Variants in MANBA observed in about 807,000 individuals in gnomAD.
MANBA encodes beta-mannosidase.
In MANBA, 83 loss-of-function variants were observed where a neutral mutation model predicts 111.1. The ratio of observed to expected loss-of-function variants is 0.75; its 90% CI spans 0.63 to 0.90. MANBA has a LOEUF of 0.90. Among genes scored for constraint, MANBA ranks in the 40% least tolerant of loss-of-function variants. The pLI, the probability that MANBA is intolerant of heterozygous loss-of-function variation, is 0.00. For synonymous variants in MANBA, 370 were observed against 378.7 expected (o/e 0.98, Z 0.27); for missense variants, 1,036 against 1,069.0 (o/e 0.97, Z 0.43).
intron 13 of MANBA, 128 bp downstream of exon 13, chr4:102,650,409 G>C (rs748340100): frequency 3.2e-5 from 31 of 975,038 alleles, no homozygotes; most frequent in Non-Finnish European, 4.4e-5. Context: ...GTTCTTTGAA[G>C]AAAATAAATT....
intron 11 of MANBA, 132 bp from the exon 12 acceptor site, chr4:102,658,032 A>C: frequency 1.4e-6 from 1 of 708,428 alleles, no homozygotes; most frequent in Admixed American, 2.1e-5. Flanking sequence ...AGGACCACTT[A>C]CCTTCTTCCC....
In MANBA at chr4:102,760,914, G is replaced by T; in HGVS notation, c.-20C>A. 6.5e-7 allele frequency: 1 copy of T among 1,547,830 alleles called. No homozygotes were observed. Among genetic ancestry groups the T allele is most frequent in the South Asian group, 1.2e-5 (1 of 84,700 alleles). ...GCGCATCTTGAGATCCCGCGCCACC[G>T]AGATGTGGAGAGATCGAAAGGCAGC... On this transcript the variant is annotated 5_prime_UTR_variant, in exon 1 of 17. Transcript: ENST00000647097.
chr4:102,722,893 C>A lies in MANBA; in HGVS notation c.527G>T (p.Cys176Phe). The change falls in exon 4 of 17, where the codon TGC becomes TTC. Residue 176 changes from cysteine (C) to phenylalanine (F), a missense_variant. Physicochemically the swap from Cys to Phe is radical, Grantham distance 205 (BLOSUM62 -2). Transcript: ENST00000647097. The stretch of plus-strand genomic sequence containing the variant: ...TACCTTCCGAACAAAGTTGACATGG[C>A]ATTCACCCTTCTGCACAAGTGGAGG... ...DCPPLVQKGE[C>F]HVNFVRKEQC... is the part of the protein sequence containing the mutation. 6.2e-7 allele frequency: 1 copy of A among 1,614,162 alleles called. No homozygotes were observed. The highest frequency in any genetic ancestry group is 8.5e-7 in the Non-Finnish European group (1 of 1,180,022).
intron 4 of MANBA, 27 bp from the exon 5 acceptor site, chr4:102,714,588 T>A: frequency 6.3e-7 from 1 of 1,596,914 alleles, no homozygotes. Flanking sequence ...AAAAAGAAGA[T>A]ATATTCTGAT....
intron 1 of MANBA, chr4:102,752,522 T>C (rs560682983): frequency 8.4e-6 from 6 of 715,480 alleles, no homozygotes; most frequent in Admixed American, 3.5e-5. Context: ...TGGCTGCTCA[T>C]GAAGACAAAG....
rs60641479 is a variant in MANBA at position 102,680,886 on chromosome 4, C to T, written c.961-6816G>A. The stretch of plus-strand genomic sequence containing the variant: ...CTACCTTCCCTATGACCAGTTCACA[C>T]ATTTGATCTCTGTTTCCAGAAAGGT... On this transcript the variant is annotated intron_variant, in intron 7 of 16. Transcript: ENST00000647097. 9.7e-3 allele frequency among the ~76,000 whole-genome samples: 1,477 copies of T among 152,332 alleles called. 31 individuals are homozygous for T. The highest frequency in any genetic ancestry group is 0.034 in the African/African-American group (1,405 of 41,578).
intron 13 of MANBA, among the ~76,000 whole-genome samples, chr4:102,641,088 G>A (rs1729859771): frequency 6.6e-6 from 1 of 152,182 alleles, no homozygotes; most frequent in African/African-American, 2.4e-5. Flanking sequence ...AGTAGAAGAG[G>A]TATGCAATGT....
chr4:102,760,730 C>G lies in MANBA; in HGVS notation c.165G>C (p.Gln55His), dbSNP rs1350621328. 2 of 1,542,662 alleles carry G rather than the reference C, an allele frequency of 1.3e-6. 1 individual carries two copies. The highest frequency in any genetic ancestry group is 3.9e-5 in the Admixed American group (2 of 50,834). Reference sequence around the variant, plus strand: ...CCGCACGCCATACCTGGATCAGGCCCTGCTGGAACAAGGCGCTGTGCACGC... The same window carrying G: ...CCGCACGCCATACCTGGATCAGGCCGTGCTGGAACAAGGCGCTGTGCACGC... Reference protein sequence around the residue: ...PGCVHSALFQQGLIQDSYYRF... With the variant: ...PGCVHSALFQHGLIQDSYYRF... The change falls in exon 1 of 17, where the codon CAG becomes CAC. Residue 55 changes from glutamine to histidine, a missense_variant. Coordinates refer to ENST00000647097, the MANE Select transcript of MANBA (RefSeq NM_005908.4).
chr4:102,727,918 C>A, intron 1 of MANBA: 1 of 488,706 alleles, frequency 2.0e-6, no homozygotes, highest in Admixed American at 2.8e-5. Context: ...AGAATGGAGG[C>A]CTCTTTGCAA....
At chr4:102,729,995 G>A (rs866576908) in intron 1 of MANBA, 20 of 866,604 alleles carry the variant, frequency 2.3e-5, no homozygotes, top group Middle Eastern at 5.9e-4. Context: ...TGCCACCCAC[G>A]CTGCTGCCCT....
At position 102,689,599 on chromosome 4, in the gene MANBA, C is replaced by A. The variant is rs1483686622; in HGVS notation, c.935G>T (p.Gly312Val). ...CTTAGCTGATTTTTCAATATTTAAG[C>A]CTCCATCCAGTTCAAAAAGAACAGT... ...NMTVLFELDGGLNIEKSAKVY... is the reference protein window; with the variant it reads ...NMTVLFELDGVLNIEKSAKVY... The change falls in exon 7 of 17, where the codon GGC (glycine) becomes GTC (valine). Residue 312 changes from glycine (G) to valine (V), a missense_variant. Transcript: ENST00000647097. The A allele has an allele frequency of 1.9e-6, 3 of 1,604,250 alleles. No individual in the cohort carries two copies. The highest frequency in any genetic ancestry group is 2.6e-6 in the Non-Finnish European group (3 of 1,172,322).
intron 1 of MANBA, among the ~76,000 whole-genome samples, chr4:102,748,840 G>A (rs1179548794): frequency 1.3e-5 from 2 of 152,086 alleles, no homozygotes; most frequent in Non-Finnish European, 2.9e-5. Flanking sequence ...TTGAACCCAG[G>A]AAGCAGAGGT....
At chr4:102,724,645 T>C (rs983466369) in intron 2 of MANBA, among the ~76,000 whole-genome samples, 3 of 152,056 alleles carry the variant, frequency 2.0e-5, no homozygotes, top group African/African-American at 7.2e-5. Flanking sequence ...TAGAAAACTA[T>C]CATCTATAAG....
intron 5 of MANBA, among the ~76,000 whole-genome samples, chr4:102,696,165 AAT>A (rs1732697467): frequency 6.6e-6 from 1 of 152,166 alleles, no homozygotes; most frequent in African/African-American, 2.4e-5. Context: ...GGTCAAGGCT[AAT>A]GTGAGCTGAG....
chr4:102,642,403 G>C (rs562785114), intron 13 of MANBA, among the ~76,000 whole-genome samples: 5 of 152,068 alleles, frequency 3.3e-5, no homozygotes, highest in African/African-American at 7.2e-5. Context: ...GTCAGGAGAT[G>C]GAGATCATCC....
At chr4:102,713,748 T>G (rs999334357) in intron 5 of MANBA, among the ~76,000 whole-genome samples, 3 of 151,722 alleles carry the variant, frequency 2.0e-5, no homozygotes, top group Admixed American at 1.3e-4. Context: ...AATACAAAAT[T>G]AGCTGGGCGT....
chr4:102,671,106 T>C (rs936703165), intron 9 of MANBA, 175 bp downstream of exon 9: 2 of 545,498 alleles, frequency 3.7e-6, no homozygotes, highest in Admixed American at 3.1e-5. Context: ...AATAAATAAT[T>C]ATGGTAGTTG....
intron 1 of MANBA, among the ~76,000 whole-genome samples, chr4:102,749,489 CA>C (rs1320330300): frequency 6.6e-6 from 1 of 152,138 alleles, no homozygotes; most frequent in East Asian, 1.9e-4. Context: ...ATATTTTGAA[CA>C]AAAGTATATT....
At chr4:102,735,490 T>A (rs1474659196) in intron 1 of MANBA, among the ~76,000 whole-genome samples, 7 of 110,446 alleles carry the variant, frequency 6.3e-5, no homozygotes, top group Non-Finnish European at 7.9e-5. Context: ...AAAAGTCTAC[T>A]AAAAATTTTT....
Sources: allele counts gnomAD v4.1 joint callset (sites outside exome capture counted in the v4.1 genomes callset), GRCh38; gene constraint gnomAD v4.1.1; transcripts MANE v1.5; gene names NCBI Gene and HGNC (gene_info 2026-07-23, HGNC 2026-07-21).